The following NBEA variants were observed in gnomAD, a reference collection of about 807,000 sequenced individuals.
NBEA encodes the protein neurobeachin, also known as lysosomal-trafficking regulator 2.
NBEA carries 44 observed loss-of-function variants against 343.4 expected under a neutral mutation model. The ratio of observed to expected loss-of-function variants is 0.13; its 90% CI spans 0.10 to 0.16. The LOEUF is 0.16. NBEA is among the 10% of genes least tolerant of loss of function. The pLI, the probability that NBEA is intolerant of heterozygous loss-of-function variation, is 1.00. For missense variants in NBEA, 2,555 were observed against 3,631.3 expected (o/e 0.70, Z 7.62); for synonymous variants, 1,175 against 1,238.7 (o/e 0.95, Z 1.08).
intron 34 of NBEA, among the ~76,000 whole-genome samples, chr13:35,270,582 A>T (rs554953910): frequency 6.4e-4 from 97 of 152,316 alleles, no homozygotes; most frequent in African/African-American, 2.2e-3. Flanking sequence ...AGCCAAGGGA[A>T]GCCATGAGTG....
intron 33 of NBEA, among the ~76,000 whole-genome samples, chr13:35,223,882 C>T (rs1449956426): frequency 1.3e-5 from 2 of 152,124 alleles, no homozygotes; most frequent in Admixed American, 1.3e-4. Flanking sequence ...GTTGGCAGGG[C>T]TGCATTTCTT....
intron 45 of NBEA, 143 bp from the exon 46 acceptor site, chr13:35,583,755 T>C: frequency 1.6e-6 from 1 of 625,078 alleles, no homozygotes; most frequent in South Asian, 2.5e-5. Context: ...AAATCCAGTA[T>C]GGTTAAAAAT....
chr13:35,463,239 A>T (rs1021011373), intron 40 of NBEA, among the ~76,000 whole-genome samples: 4 of 152,212 alleles, frequency 2.6e-5, no homozygotes, highest in African/African-American at 9.6e-5. Flanking sequence ...TTTTCAAACT[A>T]ATGCTCCTTG....
At chr13:35,276,216 A>T (rs963521831) in intron 34 of NBEA, among the ~76,000 whole-genome samples, 2 of 152,118 alleles carry the variant, frequency 1.3e-5, no homozygotes, top group African/African-American at 4.8e-5. Flanking sequence ...TTCCATGATA[A>T]TTTTTAAAGG....
At chr13:35,201,359 A>G (rs2073009252) in intron 31 of NBEA, among the ~76,000 whole-genome samples, 1 of 152,040 alleles carries the variant, frequency 6.6e-6, no homozygotes, top group South Asian at 2.1e-4. Flanking sequence ...ATATTTTTTT[A>G]TATTGCAATT....
At position 35,414,121 on chromosome 13, in the gene NBEA, C is replaced by T. The variant is rs79161374; in HGVS notation, c.6180-18148C>T. Among the ~76,000 whole-genome samples, 35 of 152,158 alleles carry T rather than the reference C, an allele frequency of 2.3e-4. No homozygotes were observed. The East Asian group carries it at 6.2e-3, about 27-fold the overall frequency. On this transcript the variant is annotated intron_variant, in intron 38 of 58. Coordinates refer to ENST00000379939, the MANE Select transcript of NBEA (RefSeq NM_001385012.1). The stretch of plus-strand genomic sequence containing the variant: ...TTTTATATACCAAACTGAGGACATT[C>T]GTTGAAACTCTTAGAGCAGTCAGAA...
At chr13:35,383,211 G>T (rs756667654) in intron 38 of NBEA, among the ~76,000 whole-genome samples, 36 of 152,212 alleles carry the variant, frequency 2.4e-4, no homozygotes, top group Admixed American at 1.5e-3. Flanking sequence ...TGGTAAGTTA[G>T]GTGACCTCAA....
rs375479284 is a variant in NBEA, at chr13:35,475,989, C to G, written c.6585+3453C>G. On this transcript the variant is annotated intron_variant, in intron 41 of 58. Coordinates refer to ENST00000379939, the MANE Select transcript of NBEA (RefSeq NM_001385012.1). ...TCTCGTTGAGAGAGCTGATGAACCG[C>G]GGCTCCTGCACTTCCACTTCCTTCA... is the stretch of plus-strand genomic sequence containing the variant. 2.8e-5 allele frequency: 46 copies of G among 1,614,096 alleles called. No individual in the cohort carries two copies. The South Asian group carries it at 4.7e-4, about 17-fold the overall frequency.
chr13:35,123,247 G>A lies in NBEA; in HGVS notation c.2244-235G>A, dbSNP rs111402346. Among the ~76,000 whole-genome samples the A allele has an allele frequency of 3.9e-5, 6 of 152,282 alleles. 1 individual carries two copies. Among genetic ancestry groups the A allele is most frequent in the African/African-American group, 1.4e-4 (6 of 41,556 alleles). ...CTAAGCATGTGTTAGTATGTTGGGAGGCAGTACTTATGAACACCAGTCACA... is the reference window on the plus strand; with the variant it reads ...CTAAGCATGTGTTAGTATGTTGGGAAGCAGTACTTATGAACACCAGTCACA... On this transcript the variant is annotated intron_variant, in intron 16 of 58. Coordinates refer to ENST00000379939, the MANE Select transcript of NBEA (RefSeq NM_001385012.1).
intron 11 of NBEA, among the ~76,000 whole-genome samples, chr13:35,099,852 T>TA (rs1327466819): frequency 6.6e-6 from 1 of 152,178 alleles, no homozygotes; most frequent in Admixed American, 6.5e-5. Flanking sequence ...TTAGTTGTAT[T>TA]ATGTGATTTC....
At chr13:35,663,448 CT>C (rs776336157) in intron 55 of NBEA, among the ~76,000 whole-genome samples, 6 of 151,448 alleles carry the variant, frequency 4.0e-5, no homozygotes, top group African/African-American at 1.2e-4. Context: ...GACAGGATTT[CT>C]TTTTTTTTAT....
intron 41 of NBEA, among the ~76,000 whole-genome samples, chr13:35,484,629 G>C (rs2076247082): frequency 6.6e-6 from 1 of 151,918 alleles, no homozygotes; most frequent in African/African-American, 2.4e-5. Context: ...TGTTTTAACT[G>C]GATGGATAAC....
intron 41 of NBEA, among the ~76,000 whole-genome samples, chr13:35,519,298 T>A (rs981799370): frequency 2.6e-5 from 4 of 152,200 alleles, no homozygotes; most frequent in Admixed American, 1.3e-4. Flanking sequence ...AAAATGATAC[T>A]CCTAAGTTTT....
chr13:35,301,299 C>T (rs147769273), intron 35 of NBEA, among the ~76,000 whole-genome samples: 51 of 152,012 alleles, frequency 3.4e-4, no homozygotes, highest in African/African-American at 1.1e-3. Context: ...TTTTAAGCTC[C>T]GCATGCATTA....
rs1433539126 is a variant in NBEA, at chr13:35,228,392, G to A, written c.5649-4100G>A. The stretch of plus-strand genomic sequence containing the variant: ...TAATTCTCTTTTTTTTTTTTTATTT[G>A]TGTAAATTTAAGGGATACAAGTGCA... On this transcript the variant is annotated intron_variant, in intron 33 of 58. Transcript: ENST00000379939. 1.4e-5 allele frequency among the ~76,000 whole-genome samples: 2 copies of A among 144,924 alleles called. 1 individual carries two copies. Among genetic ancestry groups the A allele is most frequent in the Non-Finnish European group, 3.0e-5 (2 of 66,320 alleles).
intron 36 of NBEA, among the ~76,000 whole-genome samples, chr13:35,315,515 T>G (rs1030798795): frequency 1.3e-5 from 2 of 152,166 alleles, no homozygotes; most frequent in Non-Finnish European, 2.9e-5. Context: ...AAATAGGAAG[T>G]ACTTATTTAA....
chr13:35,219,759 C>T (rs117123343), intron 33 of NBEA, among the ~76,000 whole-genome samples: 5,614 of 152,174 alleles, frequency 0.037, 147 homozygotes, highest in Non-Finnish European at 0.054. Context: ...GCCGATGTTT[C>T]CGTCTGAGTC....
intron 33 of NBEA, among the ~76,000 whole-genome samples, chr13:35,228,517 C>T (rs935883144): frequency 2.6e-5 from 4 of 151,966 alleles, no homozygotes; most frequent in Admixed American, 1.3e-4. Context: ...AATTTCTTAC[C>T]TCTCGCTCCC....
At chr13:35,639,173 A>G (rs912024658) in intron 49 of NBEA, among the ~76,000 whole-genome samples, 3 of 152,224 alleles carry the variant, frequency 2.0e-5, no homozygotes, top group African/African-American at 4.8e-5. Flanking sequence ...AAGGAAAAAT[A>G]TTTATTCTCC....
Sources: gnomAD v4.1 joint callset for allele counts (sites outside exome capture counted in the v4.1 genomes callset) on GRCh38, gnomAD v4.1.1 for gene constraint, MANE v1.5 for transcripts, NCBI Gene and HGNC (gene_info 2026-07-23, HGNC 2026-07-21) for gene names.